The following COP1 variants were observed in gnomAD, a reference collection of about 807,000 sequenced individuals.
COP1 encodes the protein E3 ubiquitin-protein ligase COP1.
COP1 carries 24 observed loss-of-function variants against 101.3 expected under a neutral mutation model. The ratio of observed to expected loss-of-function variants is 0.24; its 90% CI spans 0.17 to 0.33. The LOEUF (loss-of-function observed/expected upper bound fraction) is 0.33. Ranked by LOEUF, COP1 falls within the 10% of genes least tolerant of loss-of-function variation. The pLI, the probability that COP1 is intolerant of heterozygous loss-of-function variation, is 1.00. For synonymous variants in COP1, 347 were observed against 341.9 expected (o/e 1.01, Z -0.17); for missense variants, 663 against 906.2 (o/e 0.73, Z 3.45).
chr1:176,155,690 AAAT>A (rs1370403305), intron 5 of COP1, among the ~76,000 whole-genome samples: 2 of 152,050 alleles, frequency 1.3e-5, no homozygotes, highest in Non-Finnish European at 2.9e-5. Context: ...ATAAATATAA[AAAT>A]AATAAAATGT....
intron 3 of COP1, 112 bp downstream of exon 3, chr1:176,175,798 A>C (rs1279640193): frequency 1.7e-6 from 1 of 586,174 alleles, no homozygotes; most frequent in Non-Finnish European, 3.0e-6. Context: ...TGTGGTATAC[A>C]GTAGAGAGAG....
At chr1:176,093,656 G>A (rs113633478) in intron 9 of COP1, among the ~76,000 whole-genome samples, 8,901 of 152,114 alleles carry the variant, frequency 0.059, 380 homozygotes, top group Middle Eastern at 0.12. Context: ...TGGCTAACAC[G>A]GTGAAACCCC....
intron 9 of COP1, among the ~76,000 whole-genome samples, chr1:176,088,497 CATGT>C (rs1680642161): frequency 1.3e-5 from 2 of 152,132 alleles, no homozygotes; most frequent in South Asian, 4.1e-4. Context: ...TGTGGGATCA[CATGT>C]ATGTGTTTGT....
intron 1 of COP1, among the ~76,000 whole-genome samples, chr1:176,187,881 T>C (rs1486999969): frequency 6.6e-6 from 1 of 152,116 alleles, no homozygotes; most frequent in Non-Finnish European, 1.5e-5. Flanking sequence ...TTTCATATGT[T>C]GAAATCTTAA....
At chr1:176,078,742 T>G (rs1216478738) in intron 11 of COP1, among the ~76,000 whole-genome samples, 1 of 151,634 alleles carries the variant, frequency 6.6e-6, no homozygotes, top group South Asian at 2.1e-4. Flanking sequence ...TTGCAAACTA[T>G]GCATCTGACA....
At chr1:176,002,967 C>T (rs1662116911) in intron 15 of COP1, among the ~76,000 whole-genome samples, 2 of 149,412 alleles carry the variant, frequency 1.3e-5, no homozygotes, top group South Asian at 2.1e-4. Context: ...GTTTACAGTC[C>T]CACCAACAGT....
intron 6 of COP1, among the ~76,000 whole-genome samples, chr1:176,144,276 C>G (rs6697860): frequency 0.72 from 110,077 of 151,976 alleles, 40,858 homozygotes; most frequent in African/African-American, 0.89. Flanking sequence ...TTAAAAATCT[C>G]CATGTAAAAC....
rs10694480 is a variant in COP1, at chr1:175,976,270, CTTTTTT to C, written c.2133+10667_2133+10672del. Among the ~76,000 whole-genome samples, 32 of 56,856 alleles carry C rather than the reference CTTTTTT, an allele frequency of 5.6e-4. 1 individual carries two copies. The highest frequency in any genetic ancestry group is 2.4e-3 in the East Asian group (4 of 1,686). 37.3% of individuals were successfully genotyped at this position (56,856 alleles called of 152,430 possible). A position where few individuals can be genotyped will look rare whatever the true frequency, so the allele number is the denominator to read the frequency against. ...TAAGTCTCTATATCAATTAGTCATT[CTTTTTT>C]TTTTTTTTTTTTTTTTTTTTAGACA... On this transcript the variant is annotated intron_variant, in intron 18 of 19. Coordinates refer to ENST00000367669, the MANE Select transcript of COP1 (RefSeq NM_022457.7).
chr1:176,094,002 G>T (rs1681851465), intron 9 of COP1, among the ~76,000 whole-genome samples: 1 of 149,214 alleles, frequency 6.7e-6, no homozygotes, highest in African/African-American at 2.5e-5. Context: ...CAGCCTGGAG[G>T]CAGAGTGAGA....
chr1:176,152,687 C>CT (rs1258089011), intron 5 of COP1, among the ~76,000 whole-genome samples: 2 of 152,082 alleles, frequency 1.3e-5, no homozygotes, highest in Admixed American at 6.6e-5. Flanking sequence ...AGTGATCTGC[C>CT]TTCCTGGCCT....
At chr1:176,193,346 T>C (rs547947362) in intron 1 of COP1, among the ~76,000 whole-genome samples, 9 of 152,274 alleles carry the variant, frequency 5.9e-5, no homozygotes, top group Admixed American at 4.6e-4. Flanking sequence ...GCAGCTACTA[T>C]GGAAAACTGT....
At chr1:176,190,004 GAAT>G (rs1466643735) in intron 1 of COP1, among the ~76,000 whole-genome samples, 1 of 151,786 alleles carries the variant, frequency 6.6e-6, no homozygotes, top group African/African-American at 2.4e-5. Context: ...TAAGCATAAT[GAAT>G]AATGATTTCA....
intron 5 of COP1, among the ~76,000 whole-genome samples, chr1:176,153,709 A>G (rs1283569609): frequency 1.3e-5 from 2 of 152,048 alleles, no homozygotes; most frequent in African/African-American, 4.8e-5. Context: ...CCATTTAATG[A>G]TGTTGGCTGT....
chr1:176,163,842 G>T lies in COP1; in HGVS notation c.615C>A (p.Phe205Leu). The T allele has an allele frequency of 6.2e-7, 1 of 1,607,364 alleles. No individual in the cohort carries two copies. Among genetic ancestry groups the T allele is most frequent in the East Asian group, 2.2e-5 (1 of 44,714 alleles). Residue 205 changes from phenylalanine to leucine, a missense_variant, in exon 4 of 20, where the codon TTC (phenylalanine) becomes TTA (leucine). Physicochemically the swap from Phe to Leu is conservative, Grantham distance 22. Around this residue, in one of 4 missense-constraint regions of COP1, gnomAD observed 212 missense variants for 240.7 expected, o/e 0.88. Coordinates refer to ENST00000367669, the MANE Select transcript of COP1 (RefSeq NM_022457.7). Reference protein sequence around the residue: ...KQKQRFEEKRFKLDHSVSSTN... With the variant: ...KQKQRFEEKRLKLDHSVSSTN... The stretch of plus-strand genomic sequence containing the variant: ...TGCTACTCACTGAGTGGTCCAATTT[G>T]AACCTCTTTTCCTCAAATCTTTGCT...
At chr1:176,050,611 G>T (rs1418139386) in intron 11 of COP1, among the ~76,000 whole-genome samples, 1 of 152,030 alleles carries the variant, frequency 6.6e-6, no homozygotes, top group South Asian at 2.1e-4. Flanking sequence ...CCATTTTAAC[G>T]AAAAGTGATG....
At chr1:176,082,283 A>G (rs933179439) in intron 10 of COP1, among the ~76,000 whole-genome samples, 2 of 152,218 alleles carry the variant, frequency 1.3e-5, no homozygotes, top group Non-Finnish European at 2.9e-5. Flanking sequence ...AAGCCCATAC[A>G]TACACACACA....
At chr1:176,075,322 T>C (rs1405378274) in intron 11 of COP1, among the ~76,000 whole-genome samples, 2 of 152,230 alleles carry the variant, frequency 1.3e-5, no homozygotes, top group African/African-American at 4.8e-5. Flanking sequence ...ATAGTTTCTT[T>C]AGCTAATGGC....
rs1683845781 is a variant in COP1 at position 176,103,796 on chromosome 1, G to A, written c.1026+12828C>T. Reference sequence around the variant, plus strand: ...AAAAAATGCTTAGAAATAAACTTATGAAAAATATAGGCAAAACCTAGAGTT... The same window carrying A: ...AAAAAATGCTTAGAAATAAACTTATAAAAAATATAGGCAAAACCTAGAGTT... On this transcript the variant is annotated intron_variant, in intron 9 of 19. Transcript: ENST00000367669. Among the ~76,000 whole-genome samples, 4 of 152,006 alleles carry A rather than the reference G, an allele frequency of 2.6e-5. No individual in the cohort carries two copies. In the South Asian group the frequency reaches 8.3e-4, roughly 31 times the overall value.
At chr1:175,946,742 T>C (rs1649219167) in intron 19 of COP1, among the ~76,000 whole-genome samples, 1 of 152,188 alleles carries the variant, frequency 6.6e-6, no homozygotes, top group Non-Finnish European at 1.5e-5. Context: ...ACCTACTTCT[T>C]AGGGGACAGA....
Sources: gnomAD v4.1 joint callset for allele counts (sites outside exome capture counted in the v4.1 genomes callset) on GRCh38, gnomAD v4.1.1 for gene constraint, gnomAD v4.1.1 regional missense constraint, MANE v1.5 for transcripts, NCBI Gene and HGNC (gene_info 2026-07-23, HGNC 2026-07-21) for gene names.